The following PTPRD variants were observed in gnomAD, a reference collection of about 807,000 sequenced individuals.
PTPRD encodes the protein receptor-type tyrosine-protein phosphatase delta.
A neutral mutation model predicts 214.5 loss-of-function variants in PTPRD; 34 were observed. That is an observed-to-expected ratio of 0.16 (90% CI 0.12 to 0.21). The LOEUF (loss-of-function observed/expected upper bound fraction) is 0.21. Ranked by LOEUF, PTPRD falls within the 10% of genes least tolerant of loss-of-function variation. PTPRD has a pLI of 1.00. For synonymous variants in PTPRD, 1,128 were observed against 845.7 expected (o/e 1.33, Z -5.79); for missense variants, 2,545 against 2,398.7 (o/e 1.06, Z -1.27).
At position 10,039,677 on chromosome 9, in the gene PTPRD, G is replaced by GA. The variant is rs149431178; in HGVS notation, c.-544-5888dup. 2.6e-3 allele frequency among the ~76,000 whole-genome samples: 382 copies of GA among 147,958 alleles called. 15 individuals carry two copies. In the East Asian group the frequency reaches 0.053, roughly 21 times the overall value. On this transcript the variant is annotated intron_variant, in intron 3 of 45. Coordinates refer to ENST00000381196, the MANE Select transcript of PTPRD (RefSeq NM_002839.4). Reference sequence around the variant, plus strand: ...TGGCCCTCAGTTTTCTTTTCTGGGGGAAAAAAAAACAAAGGGGTATGATTG... The same window carrying GA: ...TGGCCCTCAGTTTTCTTTTCTGGGGGAAAAAAAAAACAAAGGGGTATGATTG...
intron 11 of PTPRD, among the ~76,000 whole-genome samples, chr9:8,805,702 A>G (rs772729814): frequency 3.3e-5 from 5 of 151,504 alleles, no homozygotes; most frequent in Non-Finnish European, 7.4e-5. Flanking sequence ...CCCTGGGTTC[A>G]AGAAATTCTC....
intron 9 of PTPRD, among the ~76,000 whole-genome samples, chr9:9,335,784 C>T (rs933112434): frequency 6.6e-6 from 1 of 151,914 alleles, no homozygotes; most frequent in East Asian, 1.9e-4. Flanking sequence ...AATGAGGACC[C>T]AGAAACTAGA....
chr9:9,481,042 G>T (rs1397769434), intron 8 of PTPRD, among the ~76,000 whole-genome samples: 2 of 151,918 alleles, frequency 1.3e-5, no homozygotes, highest in Non-Finnish European at 2.9e-5. Flanking sequence ...AATTTTAAAG[G>T]CAAATAAATT....
intron 35 of PTPRD, among the ~76,000 whole-genome samples, chr9:8,425,014 C>G (rs2094571364): frequency 6.6e-6 from 1 of 152,186 alleles, no homozygotes; most frequent in Non-Finnish European, 1.5e-5. Context: ...TCACTTTCAT[C>G]TACACTCCCA....
chr9:10,332,736 C>T, intron 3 of PTPRD, among the ~76,000 whole-genome samples: 1 of 151,630 alleles, frequency 6.6e-6, no homozygotes, highest in Admixed American at 6.6e-5. Flanking sequence ...AATTAATAAA[C>T]AACAGAGCTG....
chr9:8,927,925 T>C (rs1043058603), intron 11 of PTPRD, among the ~76,000 whole-genome samples: 5 of 152,204 alleles, frequency 3.3e-5, no homozygotes, highest in African/African-American at 1.2e-4. Flanking sequence ...TGGTATCTCA[T>C]TGTGGTTTTG....
intron 3 of PTPRD, among the ~76,000 whole-genome samples, chr9:10,135,184 G>T (rs1592048953): frequency 6.6e-6 from 1 of 152,176 alleles, no homozygotes; most frequent in South Asian, 2.1e-4. Context: ...AAAGAAGAAA[G>T]AATGTTTAGA....
At chr9:9,447,254 T>C (rs1263479330) in intron 8 of PTPRD, among the ~76,000 whole-genome samples, 8 of 152,086 alleles carry the variant, frequency 5.3e-5, no homozygotes, top group African/African-American at 1.9e-4. Context: ...GGCAAAGACA[T>C]GGAATCAACC....
In PTPRD at chr9:10,490,440, C is replaced by T. The variant is rs777015691; in HGVS notation, c.-600+121958G>A. ...CTAATAGAAGGTCTTGTATATTATGCTTGGAATTTGCAGTAACCATTCTAT... is the reference window on the plus strand; with the variant it reads ...CTAATAGAAGGTCTTGTATATTATGTTTGGAATTTGCAGTAACCATTCTAT... On this transcript the variant is annotated intron_variant, in intron 2 of 45. Coordinates refer to ENST00000381196, the MANE Select transcript of PTPRD (RefSeq NM_002839.4). Among the ~76,000 whole-genome samples, 196 of 152,180 alleles carry T rather than the reference C, an allele frequency of 1.3e-3. 5 individuals are homozygous for T. Among genetic ancestry groups the T allele is most frequent in the Non-Finnish European group, 4.7e-4 (32 of 67,972 alleles).
intron 14 of PTPRD, among the ~76,000 whole-genome samples, chr9:8,585,901 G>A (rs374034933): frequency 7.9e-5 from 12 of 152,194 alleles, no homozygotes; most frequent in African/African-American, 2.9e-4. Flanking sequence ...AAATCCACTT[G>A]TCCTCTCTCT....
intron 3 of PTPRD, among the ~76,000 whole-genome samples, chr9:10,301,656 A>T (rs1371539545): frequency 6.6e-6 from 1 of 152,108 alleles, no homozygotes; most frequent in Non-Finnish European, 1.5e-5. Flanking sequence ...GATCAAGGGG[A>T]AAAAAAGGAT....
At chr9:9,852,923 T>C (rs931688107) in intron 5 of PTPRD, among the ~76,000 whole-genome samples, 9 of 152,120 alleles carry the variant, frequency 5.9e-5, no homozygotes, top group Non-Finnish European at 1.0e-4. Flanking sequence ...TATACCTGAG[T>C]GAATCAGCTG....
At chr9:9,626,003 A>G (rs1019937989) in intron 7 of PTPRD, among the ~76,000 whole-genome samples, 2 of 152,206 alleles carry the variant, frequency 1.3e-5, no homozygotes, top group Admixed American at 1.3e-4. Flanking sequence ...GCACAAAAAA[A>G]CAGCAATCAA....
chr9:8,348,770 CCTT>C (rs1294095666), intron 39 of PTPRD, among the ~76,000 whole-genome samples: 1 of 152,160 alleles, frequency 6.6e-6, no homozygotes, highest in Non-Finnish European at 1.5e-5. Flanking sequence ...CCTTCTACCT[CCTT>C]CTCATCTGTT....
At chr9:10,413,128 G>T (rs2098454105) in intron 2 of PTPRD, among the ~76,000 whole-genome samples, 1 of 151,896 alleles carries the variant, frequency 6.6e-6, no homozygotes, top group Admixed American at 6.6e-5. Context: ...TCAGGCAAGA[G>T]AAAGATATAA....
intron 3 of PTPRD, among the ~76,000 whole-genome samples, chr9:10,223,307 C>T (rs948740277): frequency 5.3e-5 from 8 of 151,758 alleles, no homozygotes; most frequent in African/African-American, 1.5e-4. Flanking sequence ...ATGCCCATGT[C>T]CTGGCACTAA....
At chr9:9,905,533 AG>A (rs1471518865) in intron 5 of PTPRD, among the ~76,000 whole-genome samples, 1 of 151,990 alleles carries the variant, frequency 6.6e-6, no homozygotes, top group Non-Finnish European at 1.5e-5. Context: ...TATCTTAAAA[AG>A]TTGTTCAATA....
At chr9:9,334,430 G>C (rs998310447) in intron 9 of PTPRD, among the ~76,000 whole-genome samples, 9 of 151,976 alleles carry the variant, frequency 5.9e-5, no homozygotes. Context: ...TAATCACCTA[G>C]TTGATTTATC....
intron 8 of PTPRD, among the ~76,000 whole-genome samples, chr9:9,523,909 T>C (rs1334782415): frequency 6.6e-6 from 1 of 152,164 alleles, no homozygotes; most frequent in Non-Finnish European, 1.5e-5. Flanking sequence ...CCTCAGTCCA[T>C]GTGCTTCCGA....
Sources: gnomAD v4.1 joint callset for allele counts (sites outside exome capture counted in the v4.1 genomes callset) on GRCh38, gnomAD v4.1.1 for gene constraint, MANE v1.5 for transcripts, NCBI Gene and HGNC (gene_info 2026-07-23, HGNC 2026-07-21) for gene names.